Variants in ENPP2 observed in about 807,000 individuals in gnomAD.
ENPP2 encodes ectonucleotide pyrophosphatase/phosphodiesterase 2.
ENPP2 carries 51 observed loss-of-function variants against 120.2 expected under a neutral mutation model. That is an observed-to-expected ratio of 0.42 (90% CI 0.34 to 0.54). ENPP2 has a LOEUF of 0.54. Ranked by LOEUF, ENPP2 falls within the 20% of genes least tolerant of loss-of-function variation. The probability of loss-of-function intolerance (pLI) is 0.04; values close to 1 mark genes in which losing one functional copy is unlikely to be tolerated. For synonymous variants in ENPP2, 365 were observed against 366.4 expected (o/e 1.00, Z 0.04); for missense variants, 920 against 1,066.5 (o/e 0.86, Z 1.91).
At chr8:119,576,562 C>T (rs1375718217) in intron 19 of ENPP2, among the ~76,000 whole-genome samples, 1 of 152,064 alleles carries the variant, frequency 6.6e-6, no homozygotes, top group Non-Finnish European at 1.5e-5. Context: ...TGAGGGCTAA[C>T]CTAAGAAAAT....
intron 1 of ENPP2, among the ~76,000 whole-genome samples, chr8:119,655,128 A>G (rs1319193539): frequency 6.6e-6 from 1 of 152,232 alleles, no homozygotes; most frequent in Non-Finnish European, 1.5e-5. Flanking sequence ...CTAAGAAAAG[A>G]AGAAAGAAAC....
Position 119,601,403 on chromosome 8 carries a change from T to A in ENPP2, c.893A>T (p.His298Leu). 1 of 1,597,368 alleles carries A rather than the reference T, an allele frequency of 6.3e-7. No individual in the cohort carries two copies. The highest frequency in any genetic ancestry group is 1.3e-5 in the African/African-American group (1 of 74,708). Reference sequence around the variant, plus strand: ...GAAAGAGAGAAATAAATACCTCTCATGATCTGGCAGGGTGAGCCACTGCAA... The same window carrying A: ...GAAAGAGAGAAATAAATACCTCTCAAGATCTGGCAGGGTGAGCCACTGCAA... ...TILQWLTLPD[H>L]ERPSVYAFYS... The change falls in exon 10 of 25, where the codon CAT becomes CTT. Residue 298 changes from histidine to leucine, a missense_variant. His to Leu is a moderately conservative substitution (Grantham distance 99). Transcript: ENST00000075322.
intron 9 of ENPP2, among the ~76,000 whole-genome samples, chr8:119,607,187 G>A (rs186878810): frequency 6.6e-6 from 1 of 152,136 alleles, no homozygotes; most frequent in Non-Finnish European, 1.5e-5. Context: ...AGACCATCTA[G>A]ATATTTTTAA....
chr8:119,621,342 A>T, intron 4 of ENPP2, 52 bp downstream of exon 4: 1 of 1,576,784 alleles, frequency 6.3e-7, no homozygotes. Flanking sequence ...CTCCTGGAGC[A>T]CCTCCAGTTT....
At chr8:119,622,221 AC>A (rs1815956349) in intron 3 of ENPP2, among the ~76,000 whole-genome samples, 1 of 152,134 alleles carries the variant, frequency 6.6e-6, no homozygotes, top group African/African-American at 2.4e-5. Flanking sequence ...GAGCCACAGC[AC>A]CTAGCCTAAA....
chr8:119,634,414 T>G (rs1032751815), intron 2 of ENPP2, among the ~76,000 whole-genome samples: 1 of 152,192 alleles, frequency 6.6e-6, no homozygotes, highest in Non-Finnish European at 1.5e-5. Flanking sequence ...ATGTTGTCAT[T>G]TAAAATTAAA....
chr8:119,640,316 C>T (rs770803976), upstream of ENPP2, among the ~76,000 whole-genome samples: 3 of 152,086 alleles, frequency 2.0e-5, no homozygotes, highest in Non-Finnish European at 4.4e-5. Flanking sequence ...TTTAGCAAGG[C>T]TTATAAAAGA....
At chr8:119,605,469 T>G (rs1311314169) in intron 9 of ENPP2, among the ~76,000 whole-genome samples, 1 of 151,418 alleles carries the variant, frequency 6.6e-6, no homozygotes, top group Non-Finnish European at 1.5e-5. Context: ...TGTGTGTATT[T>G]TTTTTTTTGA....
chr8:119,560,697 C>T (rs371463220), intron 24 of ENPP2, among the ~76,000 whole-genome samples: 14 of 152,064 alleles, frequency 9.2e-5, no homozygotes, highest in African/African-American at 2.7e-4. Context: ...CTAAAACGTA[C>T]GAAAAAATTC....
chr8:119,673,300 G>T (rs1425701458), exon 1 of ENPP2: 8 of 1,535,012 alleles, frequency 5.2e-6, no homozygotes, highest in African/African-American at 1.4e-5. Context: ...GTCTGTTCCT[G>T]CCCGGGCGCT....
intron 13 of ENPP2, among the ~76,000 whole-genome samples, chr8:119,589,460 A>G (rs1232086817): frequency 6.6e-6 from 1 of 152,122 alleles, no homozygotes; most frequent in Non-Finnish European, 1.5e-5. Context: ...TACATGTACT[A>G]ATGTCAGAAA....
At chr8:119,660,084 C>T (rs763275560) in intron 1 of ENPP2, among the ~76,000 whole-genome samples, 2 of 152,094 alleles carry the variant, frequency 1.3e-5, no homozygotes, top group Non-Finnish European at 2.9e-5. Context: ...TCCTAGCTAT[C>T]GTCTAAAAAG....
chr8:119,646,931 C>T (rs1157904385), intron 1 of ENPP2, among the ~76,000 whole-genome samples: 1 of 152,032 alleles, frequency 6.6e-6, no homozygotes, highest in African/African-American at 2.4e-5. Flanking sequence ...TGAGCCTCCC[C>T]AGTTTTGCCC....
At chr8:119,647,835 T>C (rs1260100925) in intron 1 of ENPP2, among the ~76,000 whole-genome samples, 1 of 152,080 alleles carries the variant, frequency 6.6e-6, no homozygotes, top group Non-Finnish European at 1.5e-5. Flanking sequence ...CAAAATCCCG[T>C]CTTTACTAAA....
Position 119,572,615 on chromosome 8 carries a change from C to T in ENPP2, c.1781-1774G>A, listed in dbSNP as rs144871652. 256 of 173,832 alleles carry T rather than the reference C, an allele frequency of 1.5e-3. 1 individual carries two copies. The highest frequency in any genetic ancestry group is 3.6e-3 in the Admixed American group (62 of 17,382). The allele number at this position is 173,832 out of a possible 1,614,324, so 10.8% of individuals were successfully genotyped here. Reference sequence around the variant, plus strand: ...ATATATGCTATTTCCTTTCTCTCTACCAGAAATAACTTCTCCAGTCTTCGC... The same window carrying T: ...ATATATGCTATTTCCTTTCTCTCTATCAGAAATAACTTCTCCAGTCTTCGC... On this transcript the variant is annotated intron_variant, in intron 19 of 24. Coordinates refer to ENST00000075322, the MANE Select transcript of ENPP2 (RefSeq NM_001040092.3).
intron 2 of ENPP2, among the ~76,000 whole-genome samples, chr8:119,628,771 C>T (rs181590148): frequency 4.6e-5 from 7 of 152,142 alleles, no homozygotes; most frequent in Admixed American, 2.6e-4. Flanking sequence ...AAACTAGAGA[C>T]GAGTGAGAGA....
chr8:119,565,028 G>C, intron 22 of ENPP2, 73 bp from the exon 23 acceptor site: 1 of 1,381,218 alleles, frequency 7.2e-7, no homozygotes, highest in Non-Finnish European at 1.0e-6. Context: ...ATTCTCTCTA[G>C]GATGCATGCT....
chr8:119,655,856 CA>C (rs1394791387), intron 1 of ENPP2, among the ~76,000 whole-genome samples: 1 of 152,180 alleles, frequency 6.6e-6, no homozygotes, highest in Non-Finnish European at 1.5e-5. Context: ...TTTCTTGCAA[CA>C]GCACACTATG....
At chr8:119,650,481 T>C (rs1410062183) in intron 1 of ENPP2, among the ~76,000 whole-genome samples, 2 of 152,276 alleles carry the variant, frequency 1.3e-5, no homozygotes, top group East Asian at 3.9e-4. Flanking sequence ...ATATATAAAT[T>C]ATATCCCAAA....
Sources: gnomAD v4.1 joint callset for allele counts (sites outside exome capture counted in the v4.1 genomes callset) on GRCh38, gnomAD v4.1.1 for gene constraint, MANE v1.5 for transcripts, NCBI Gene and HGNC (gene_info 2026-07-23, HGNC 2026-07-21) for gene names.